The following ZNF221 variants were observed in gnomAD, a reference collection of about 807,000 sequenced individuals.
ZNF221 encodes zinc finger protein 221.
A neutral mutation model predicts 12.6 loss-of-function variants in ZNF221; 10 were observed. That is an observed-to-expected ratio of 0.79 (90% CI 0.49 to 1.34). The LOEUF is 1.34. ZNF221 is among the 40% of genes most tolerant of loss of function. The pLI, the probability that ZNF221 is intolerant of heterozygous loss-of-function variation, is 0.00. For synonymous variants in ZNF221, 232 were observed against 244.0 expected (o/e 0.95, Z 0.46); for missense variants, 661 against 721.4 (o/e 0.92, Z 0.96).
In ZNF221 at chr19:43,965,994, C is replaced by T. The variant is rs757802335; in HGVS notation, c.492C>T (p.His164=). The part of the protein sequence containing the change: ...CQIEARLSIS[H]VQQKPYRCNE... The stretch of plus-strand genomic sequence containing the variant: ...TTGAGGCAAGACTATCTATAAGTCA[C>T]GTGCAACAGAAACCTTACCGTTGTA... Residue 164 remains histidine (H), a synonymous_variant, in exon 5 of 5, where the codon CAC becomes CAT. Transcript: ENST00000587682. 1.0e-4 allele frequency: 165 copies of T among 1,614,178 alleles called. No individual in the cohort carries two copies. The highest frequency in any genetic ancestry group is 3.3e-4 in the Middle Eastern group (2 of 6,062).
At chr19:43,974,350 T>C in the ZNF221 span, among the ~76,000 whole-genome samples, 2 of 152,204 alleles carry the variant, frequency 1.3e-5, no homozygotes, top group South Asian at 2.1e-4. Flanking sequence ...GATTTCACGA[T>C]GAAAACACCA....
Position 43,966,394 on chromosome 19 carries a change from C to T in ZNF221, c.892C>T (p.Gln298Ter). 1 of 1,613,518 alleles carries T rather than the reference C, an allele frequency of 6.2e-7. No individual in the cohort carries two copies. Among genetic ancestry groups the T allele is most frequent in the Non-Finnish European group, 8.5e-7 (1 of 1,179,864 alleles). ...AGCCTTCATTCATGATTCACAGCTT[C>T]AAGAACATCAGAGAATCCATACTGG... ...GKAFIHDSQL[Q>*]EHQRIHTGEK... The change falls in exon 5 of 5, where the codon CAA (glutamine) becomes TAA (stop). Residue 298 changes from glutamine to a stop codon, truncating the protein, a stop_gained. Transcript: ENST00000587682. LOFTEE classifies it low-confidence loss of function (END_TRUNC).
intron 1 of ZNF221, among the ~76,000 whole-genome samples, chr19:43,957,839 C>T (rs1974780563): frequency 6.6e-6 from 1 of 152,238 alleles, no homozygotes; most frequent in Non-Finnish European, 1.5e-5. Context: ...AATACTGAGC[C>T]ACAAACAAAA....
the ZNF221 span, chr19:43,976,910 A>G: frequency 6.6e-6 from 1 of 152,248 alleles, no homozygotes; most frequent in Non-Finnish European, 1.5e-5. Context: ...TTACAACATT[A>G]AAACTCTGAA....
rs1975006068 is a variant in ZNF221 at position 43,967,600 on chromosome 19, T to C, written c.*244T>C. 2 of 409,990 alleles carry C rather than the reference T, an allele frequency of 4.9e-6. No individual in the cohort carries two copies. Among genetic ancestry groups the C allele is most frequent in the Admixed American group, 7.8e-5 (2 of 25,626 alleles). The allele number at this position is 409,990 out of a possible 1,614,324, so 25.4% of individuals were successfully genotyped here. Reference sequence around the variant, plus strand: ...TTCACGCCATTCTCCTGCCTCAGCCTCCCGAGTAGCTGGGACTACAGGTGC... The same window carrying C: ...TTCACGCCATTCTCCTGCCTCAGCCCCCCGAGTAGCTGGGACTACAGGTGC... On this transcript the variant is annotated 3_prime_UTR_variant, in exon 5 of 5. Transcript: ENST00000587682.
chr19:43,963,606 A>G (rs753896898), intron 2 of ZNF221, among the ~76,000 whole-genome samples: 2 of 152,220 alleles, frequency 1.3e-5, no homozygotes, highest in Non-Finnish European at 2.9e-5. Context: ...TGAAATGTCC[A>G]GTGATACTGG....
In ZNF221 at chr19:43,967,477, TA is replaced by T; in HGVS notation, c.*122del. 1 of 703,838 alleles carries T rather than the reference TA, an allele frequency of 1.4e-6. No individual in the cohort carries two copies. The allele number at this position is 703,838 out of a possible 1,614,324, so 43.6% of individuals were successfully genotyped here. A position where few individuals can be genotyped will look rare whatever the true frequency, so the allele number is the denominator to read the frequency against. On this transcript the variant is annotated 3_prime_UTR_variant, in exon 5 of 5. Transcript: ENST00000587682. ...TGGGAAGAGCTTTGTACATAGATCA[TA>T]TCTTTTTTTTTTTTTTTTGAGACAG...
chr19:43,962,257 G>A (rs898695371), intron 1 of ZNF221, among the ~76,000 whole-genome samples: 2 of 152,126 alleles, frequency 1.3e-5, no homozygotes, highest in Admixed American at 6.5e-5. Context: ...TGGTGTGACC[G>A]TCATCATAAT....
the ZNF221 span, among the ~76,000 whole-genome samples, chr19:43,974,483 T>C: frequency 6.6e-6 from 1 of 152,148 alleles, no homozygotes; most frequent in African/African-American, 2.4e-5. Flanking sequence ...AGAAAATCTT[T>C]GCAATCTGTC....
Position 43,967,197 on chromosome 19 carries a change from G to A in ZNF221, c.1695G>A (p.Lys565=). The change falls in exon 5 of 5, where the codon AAG becomes AAA. Residue 565 remains lysine (K), a synonymous_variant. Transcript: ENST00000587682. ...VHGGERPYNC[K]ECGKSFGWAS... ...GGGGAGAGCGACCCTATAATTGTAA[G>A]GAATGTGGAAAGAGCTTTGGCTGGG... The A allele has an allele frequency of 6.3e-7, 1 of 1,593,894 alleles. No individual in the cohort carries two copies. Among genetic ancestry groups the A allele is most frequent in the Non-Finnish European group, 8.6e-7 (1 of 1,167,362 alleles).
chr19:43,976,313 G>A, the ZNF221 span, among the ~76,000 whole-genome samples: 2 of 152,018 alleles, frequency 1.3e-5, no homozygotes, highest in Non-Finnish European at 2.9e-5. Context: ...TGAGGCAGGT[G>A]GATCACTTGA....
the ZNF221 span, among the ~76,000 whole-genome samples, chr19:43,973,910 C>A: frequency 1.3e-5 from 2 of 152,130 alleles, no homozygotes; most frequent in Admixed American, 1.3e-4. Context: ...TTTTAAAATT[C>A]ATTTGGAACC....
At chr19:43,972,895 CTT>C in the ZNF221 span, among the ~76,000 whole-genome samples, 1 of 151,782 alleles carries the variant, frequency 6.6e-6, no homozygotes, top group African/African-American at 2.4e-5. Context: ...CTCCTTAACT[CTT>C]TTTATGAGGC....
At chr19:43,980,612 A>C in the ZNF221 span, among the ~76,000 whole-genome samples, 1 of 152,350 alleles carries the variant, frequency 6.6e-6, no homozygotes, top group East Asian at 1.9e-4. Flanking sequence ...GGAAGAAATA[A>C]ATCTTATAAT....
At chr19:43,963,461 G>C (rs1344493267) in intron 2 of ZNF221, among the ~76,000 whole-genome samples, 1 of 152,172 alleles carries the variant, frequency 6.6e-6, no homozygotes, top group Non-Finnish European at 1.5e-5. Context: ...TATTGTTGTT[G>C]GAGTTTTCAC....
At chr19:43,971,210 G>A (rs1396799283), downstream of ZNF221, among the ~76,000 whole-genome samples, 1 of 152,276 alleles carries the variant, frequency 6.6e-6, no homozygotes, top group African/African-American at 2.4e-5. Flanking sequence ...CAAATGCTGA[G>A]AGAATTCATC....
At chr19:43,962,475 A>G (rs1974861135) in intron 1 of ZNF221, among the ~76,000 whole-genome samples, 1 of 152,192 alleles carries the variant, frequency 6.6e-6, no homozygotes, top group Non-Finnish European at 1.5e-5. Context: ...TCCAAGGTTC[A>G]TACATGTTGT....
At chr19:43,965,403 C>T (rs1249112074) in intron 4 of ZNF221, 78 bp downstream of exon 4, 1 of 1,315,726 alleles carries the variant, frequency 7.6e-7, no homozygotes, top group Admixed American at 2.5e-5. Context: ...ATTTCCATCA[C>T]CCTGGTCTAA....
At chr19:43,955,160 A>G (rs1396918594) in intron 1 of ZNF221, among the ~76,000 whole-genome samples, 5 of 151,670 alleles carry the variant, frequency 3.3e-5, no homozygotes, top group African/African-American at 1.2e-4. Context: ...CCACCATATA[A>G]GCAAAACCCG....
Sources: gnomAD v4.1 joint callset for allele counts (sites outside exome capture counted in the v4.1 genomes callset) on GRCh38, gnomAD v4.1.1 for gene constraint, MANE v1.5 for transcripts, NCBI Gene and HGNC (gene_info 2026-07-23, HGNC 2026-07-21) for gene names.